Variants in SENP6 observed in about 807,000 individuals in gnomAD.
The protein encoded by SENP6 is sentrin-specific protease 6.
In SENP6, 41 loss-of-function variants were observed where a neutral mutation model predicts 134.5. That is an observed-to-expected ratio of 0.30 (90% CI 0.24 to 0.40). SENP6 has a LOEUF of 0.40. Ranked by LOEUF, SENP6 falls within the 10% of genes least tolerant of loss-of-function variation. The pLI, the probability that SENP6 is intolerant of heterozygous loss-of-function variation, is 1.00. For synonymous variants in SENP6, 395 were observed against 429.8 expected (o/e 0.92, Z 1.00); for missense variants, 1,248 against 1,312.5 (o/e 0.95, Z 0.76).
intron 8 of SENP6, among the ~76,000 whole-genome samples, chr6:75,661,663 C>G (rs914118490): frequency 1.3e-5 from 2 of 152,206 alleles, no homozygotes; most frequent in African/African-American, 2.4e-5. Flanking sequence ...TAGCCAGCCT[C>G]TATGTAAACT....
intron 11 of SENP6, among the ~76,000 whole-genome samples, chr6:75,672,183 A>G (rs954675063): frequency 2.6e-5 from 4 of 152,188 alleles, no homozygotes; most frequent in African/African-American, 4.8e-5. Flanking sequence ...TAGCACCTCA[A>G]AAATGTTCAG....
intron 21 of SENP6, among the ~76,000 whole-genome samples, chr6:75,712,732 C>A (rs1775821015): frequency 6.6e-6 from 1 of 151,154 alleles, no homozygotes. Flanking sequence ...GAAGTGGAAT[C>A]TTGAAAAAAA....
intron 10 of SENP6, among the ~76,000 whole-genome samples, 191 bp downstream of exon 10, chr6:75,667,132 G>T (rs896481591): frequency 5.3e-5 from 8 of 152,094 alleles, no homozygotes; most frequent in Admixed American, 1.3e-4. Flanking sequence ...TAAACTTAAG[G>T]CTTGAAGTAT....
At chr6:75,630,973 A>T (rs900393935) in intron 3 of SENP6, among the ~76,000 whole-genome samples, 14 of 151,768 alleles carry the variant, frequency 9.2e-5, no homozygotes, top group Non-Finnish European at 2.1e-4. Flanking sequence ...CTATCTTCCA[A>T]TTTACTTTTA....
intron 16 of SENP6, among the ~76,000 whole-genome samples, chr6:75,692,997 G>C (rs1448005877): frequency 6.6e-6 from 1 of 152,232 alleles, no homozygotes; most frequent in Non-Finnish European, 1.5e-5. Flanking sequence ...CTTCAGCCCA[G>C]GAGGCGGAGG....
At chr6:75,644,346 T>C (rs921716367) in intron 6 of SENP6, among the ~76,000 whole-genome samples, 5 of 152,094 alleles carry the variant, frequency 3.3e-5, no homozygotes, top group Non-Finnish European at 7.4e-5. Context: ...ACCTGACGAG[T>C]TCTCTCTAAA....
chr6:75,634,872 CT>C, intron 5 of SENP6, 61 bp downstream of exon 5: 3 of 1,090,388 alleles, frequency 2.8e-6, no homozygotes, highest in South Asian at 1.3e-5. Flanking sequence ...TAGGTTTTCA[CT>C]TTTTTTAACC....
intron 1 of SENP6, among the ~76,000 whole-genome samples, chr6:75,617,525 G>A (rs1212042564): frequency 2.6e-5 from 4 of 151,774 alleles, no homozygotes; most frequent in East Asian, 1.9e-4. Flanking sequence ...GCCCGCCTCC[G>A]CCTCCACCTC....
chr6:75,629,189 T>C (rs1049443279), intron 3 of SENP6, among the ~76,000 whole-genome samples: 2 of 152,266 alleles, frequency 1.3e-5, no homozygotes, highest in African/African-American at 4.8e-5. Flanking sequence ...TACTTGTTAC[T>C]TTTAGGTTTC....
At chr6:75,634,010 T>A (rs1769313547) in intron 4 of SENP6, among the ~76,000 whole-genome samples, 1 of 152,312 alleles carries the variant, frequency 6.6e-6, no homozygotes, top group East Asian at 1.9e-4. Flanking sequence ...GTCATAATAT[T>A]TGAAGAAGCA....
rs751156935 is a variant in SENP6 at position 75,666,774 on chromosome 6, C to T, written c.1057C>T (p.Pro353Ser). 1 of 1,612,876 alleles carries T rather than the reference C, an allele frequency of 6.2e-7. No individual in the cohort carries two copies. The highest frequency in any genetic ancestry group is 8.5e-7 in the Non-Finnish European group (1 of 1,179,016). The change falls in exon 10 of 24, where the codon CCT (proline) becomes TCT (serine). Residue 353 changes from proline (P) to serine (S), a missense_variant. This residue lies in a region of SENP6 where 733 missense variants were observed against 725.4 expected (regional missense o/e 1.01). Coordinates refer to ENST00000447266, the MANE Select transcript of SENP6 (RefSeq NM_015571.4). ...DRTNRRESIS[P>S]QPADSACSSP... ...AACTAACAGAAGAGAAAGCATATCT[C>T]CTCAGCCTGCTGATTCAGCATGTTC...
At chr6:75,617,812 C>G (rs1767976132) in intron 1 of SENP6, among the ~76,000 whole-genome samples, 1 of 152,152 alleles carries the variant, frequency 6.6e-6, no homozygotes, top group Non-Finnish European at 1.5e-5. Flanking sequence ...CCTTAGTATA[C>G]TGTGTTCTTT....
chr6:75,714,820 T>C (rs1293503613), intron 23 of SENP6, among the ~76,000 whole-genome samples: 1 of 152,246 alleles, frequency 6.6e-6, no homozygotes, highest in Admixed American at 6.5e-5. Flanking sequence ...CTATTATACC[T>C]TGTCTGTCTA....
intron 1 of SENP6, among the ~76,000 whole-genome samples, chr6:75,613,565 A>G (rs1561964177): frequency 6.6e-6 from 1 of 152,218 alleles, no homozygotes; most frequent in Non-Finnish European, 1.5e-5. Flanking sequence ...AAAGGTGGAT[A>G]TAACCTAAAT....
chr6:75,609,155 G>A (rs1274511306), intron 1 of SENP6, among the ~76,000 whole-genome samples: 7 of 152,146 alleles, frequency 4.6e-5, no homozygotes, highest in South Asian at 2.1e-4. Context: ...CCTGGGACCC[G>A]ACTTAATAGC....
chr6:75,693,721 T>C (rs1372195812), intron 16 of SENP6, among the ~76,000 whole-genome samples: 2 of 152,194 alleles, frequency 1.3e-5, no homozygotes, highest in East Asian at 3.9e-4. Flanking sequence ...ATCTCAAGAA[T>C]GTGCCCTCTA....
intron 16 of SENP6, among the ~76,000 whole-genome samples, chr6:75,681,870 A>G (rs754716149): frequency 6.6e-6 from 1 of 152,182 alleles, no homozygotes; most frequent in African/African-American, 2.4e-5. Context: ...TCTCTACAAA[A>G]AAACAAAAAT....
At chr6:75,678,515 G>T in intron 14 of SENP6, 68 bp from the exon 15 acceptor site, 3 of 779,444 alleles carry the variant, frequency 3.8e-6, no homozygotes, top group Non-Finnish European at 6.6e-6. Context: ...TTCTTGCCTT[G>T]TGCTTACCCT....
At chr6:75,634,312 T>G (rs1034079380) in intron 4 of SENP6, among the ~76,000 whole-genome samples, 2 of 152,168 alleles carry the variant, frequency 1.3e-5, no homozygotes, top group African/African-American at 4.8e-5. Context: ...CTGCTTTATT[T>G]TTTAAATTTT....
Sources: gnomAD v4.1 joint callset for allele counts (sites outside exome capture counted in the v4.1 genomes callset) on GRCh38, gnomAD v4.1.1 for gene constraint, gnomAD v4.1.1 regional missense constraint, MANE v1.5 for transcripts, NCBI Gene and HGNC (gene_info 2026-07-23, HGNC 2026-07-21) for gene names.